The following PCDHA11 variants were observed in gnomAD, a reference collection of about 807,000 sequenced individuals.
PCDHA11 encodes the protein protocadherin alpha-11.
In PCDHA11, 61 loss-of-function variants were observed where a neutral mutation model predicts 70.3. The observed-to-expected ratio is 0.87, with a 90% CI of 0.71 to 1.07. The LOEUF (loss-of-function observed/expected upper bound fraction) is 1.07, where lower values mean the gene tolerates loss of function less well. Ranked by LOEUF, PCDHA11 falls within the 50% of genes least tolerant of loss-of-function variation. The pLI is 0.00. For missense variants in PCDHA11, 1,324 were observed against 1,237.5 expected (o/e 1.07, Z -1.05); for synonymous variants, 633 against 555.1 (o/e 1.14, Z -1.97).
At chr5:140,939,603 C>T (rs1158258856) in intron 1 of PCDHA11, among the ~76,000 whole-genome samples, 1 of 152,068 alleles carries the variant, frequency 6.6e-6, no homozygotes, top group Non-Finnish European at 1.5e-5. Flanking sequence ...TGCTCAAAAA[C>T]AGAACAAGGA....
intron 1 of PCDHA11, chr5:140,966,173 A>C (rs2095976741): frequency 5.4e-6 from 1 of 184,728 alleles, no homozygotes; most frequent in Admixed American, 6.2e-5. Context: ...TTTCCTGGGG[A>C]GCTGATAGCC....
At chr5:140,937,798 G>A (rs782138454) in intron 1 of PCDHA11, among the ~76,000 whole-genome samples, 1 of 151,676 alleles carries the variant, frequency 6.6e-6, no homozygotes, top group African/African-American at 2.4e-5. Flanking sequence ...TGTAGTCCCA[G>A]CTACTCGGGA....
At chr5:141,000,429 T>A (rs1327595966) in intron 3 of PCDHA11, among the ~76,000 whole-genome samples, 40 of 124,862 alleles carry the variant, frequency 3.2e-4, no homozygotes, top group African/African-American at 1.1e-3. Flanking sequence ...ATATTTTTTT[T>A]TTTTTTTTTT....
At position 140,883,732 on chromosome 5, in the gene PCDHA11, G is replaced by T. The variant is rs17844355; in HGVS notation, c.2391+12238G>T. The stretch of plus-strand genomic sequence containing the variant: ...AGGACGCGGACGCACAGGAGAACGC[G>T]CTGGTCTCCTACTCGCTGGTGGAGC... On this transcript the variant is annotated intron_variant, in intron 1 of 3. Transcript: ENST00000398640. The T allele has an allele frequency of 3.9e-4, 630 of 1,613,452 alleles. 2 individuals are homozygous for T. The East Asian group carries it at 0.013, about 33-fold the overall frequency.
At chr5:140,883,682 T>G (rs2059750474) in intron 1 of PCDHA11, 1 of 1,613,604 alleles carries the variant, frequency 6.2e-7, no homozygotes. Context: ...TCCGCCGGGC[T>G]GCCACATCTT....
intron 1 of PCDHA11, chr5:140,967,726 TG>T: frequency 6.2e-7 from 1 of 1,613,974 alleles, no homozygotes; most frequent in Non-Finnish European, 8.5e-7. Flanking sequence ...TGCGAGTAAT[TG>T]GGGGGCTGGA....
At chr5:140,878,099 C>T (rs1270449354) in intron 1 of PCDHA11, 2 of 277,184 alleles carry the variant, frequency 7.2e-6, no homozygotes, top group Non-Finnish European at 1.3e-5. Flanking sequence ...GACTGATGAA[C>T]CTTGAAAAAA....
intron 1 of PCDHA11, among the ~76,000 whole-genome samples, chr5:140,908,583 T>C (rs1245727862): frequency 1.3e-5 from 2 of 152,088 alleles, no homozygotes; most frequent in Admixed American, 1.3e-4. Context: ...GGAGAGTAGT[T>C]AGCTGCAGAA....
chr5:140,893,110 G>A (rs2063824937), intron 1 of PCDHA11, among the ~76,000 whole-genome samples: 1 of 152,124 alleles, frequency 6.6e-6, no homozygotes, highest in South Asian at 2.1e-4. Context: ...ATATTCCGTT[G>A]TGCATATACA....
intron 1 of PCDHA11, among the ~76,000 whole-genome samples, chr5:140,957,730 T>G (rs1044691694): frequency 6.6e-6 from 1 of 152,144 alleles, no homozygotes; most frequent in Non-Finnish European, 1.5e-5. Flanking sequence ...AGCAGAATTA[T>G]ATATACTGAC....
intron 1 of PCDHA11, among the ~76,000 whole-genome samples, chr5:140,924,769 C>T (rs988519447): frequency 1.3e-5 from 2 of 151,766 alleles, no homozygotes; most frequent in Admixed American, 6.6e-5. Flanking sequence ...GTGGTGCGCG[C>T]TTGTAGTCCT....
chr5:140,983,211 T>C (rs1429696975), intron 3 of PCDHA11, among the ~76,000 whole-genome samples: 1 of 152,204 alleles, frequency 6.6e-6, no homozygotes, highest in African/African-American at 2.4e-5. Context: ...AGGGACTATT[T>C]CCTAATCCAA....
rs192086826 is a variant in PCDHA11, at chr5:140,981,520, G to C, written c.2451-955G>C. ...ACCTGGGAGGCAGAGGTTGCAGTGA[G>C]CTGAGATCGTGCCACTGTACTCCAG... On this transcript the variant is annotated intron_variant, in intron 2 of 3. Coordinates refer to ENST00000398640, the MANE Select transcript of PCDHA11 (RefSeq NM_018902.5). Among the ~76,000 whole-genome samples the C allele has an allele frequency of 3.3e-5, 5 of 152,342 alleles. No homozygotes were observed. The East Asian group carries it at 9.6e-4, about 29-fold the overall frequency.
rs782426631 is a variant in PCDHA11, at chr5:140,982,476, T to C, written c.2452T>C (p.Ser818Pro). Residue 818 changes from serine (S) to proline (P), a missense_variant and splice_region_variant, in exon 3 of 4, where the codon TCT becomes CCT. By Grantham distance (74) the Ser-to-Pro change is moderately conservative. Transcript: ENST00000398640. ...ATCTGGGTCTGTGTGTTTATTCAGC[T>C]CTGTGCACCTAGAGGAGGCTGGCAT... ...SASLRAGMHS[S>P]VHLEEAGILR... 3 of 1,614,064 alleles carry C rather than the reference T, an allele frequency of 1.9e-6. No homozygotes were observed. The highest frequency in any genetic ancestry group is 1.6e-4 in the Middle Eastern group (1 of 6,082).
rs782777018 is a variant in PCDHA11 at position 140,870,125 on chromosome 5, A to G, written c.1022A>G (p.Asp341Gly). 1.8e-5 allele frequency: 29 copies of G among 1,613,792 alleles called. No homozygotes were observed. Among genetic ancestry groups the G allele is most frequent in the African/African-American group, 2.7e-5 (2 of 74,934 alleles). Residue 341 changes from aspartate to glycine, a missense_variant, in exon 1 of 4, where the codon GAC becomes GGC. Transcript: ENST00000398640. ...GHCTVWVEIL[D>G]TNDNSPEVAV... Reference sequence around the variant, plus strand: ...TGTACAGTCTGGGTGGAAATCTTGGACACCAACGATAACTCTCCTGAAGTC... The same window carrying G: ...TGTACAGTCTGGGTGGAAATCTTGGGCACCAACGATAACTCTCCTGAAGTC...
chr5:140,931,247 C>G (rs782447233), intron 1 of PCDHA11, among the ~76,000 whole-genome samples: 4 of 152,032 alleles, frequency 2.6e-5, no homozygotes, highest in African/African-American at 4.8e-5. Flanking sequence ...CTTTTCCTAC[C>G]AAGAAATTTC....
Position 141,009,916 on chromosome 5 carries a change from G to T in PCDHA11, c.2829G>T (p.Thr943=). The change falls in exon 4 of 4, where the codon ACG becomes ACT. Residue 943 remains threonine, a synonymous_variant. Coordinates refer to ENST00000398640, the MANE Select transcript of PCDHA11 (RefSeq NM_018902.5). ...AGAAAAAAGAGAAAGGGAACAGCAC[G>T]ACTGACAACAGTGACCAGTGAGGTC... ...TQEKKEKGNS[T]TDNSDQ The T allele has an allele frequency of 6.2e-7, 1 of 1,611,502 alleles. No individual in the cohort carries two copies. Among genetic ancestry groups the T allele is most frequent in the South Asian group, 1.1e-5 (1 of 90,550 alleles).
intron 1 of PCDHA11, among the ~76,000 whole-genome samples, chr5:140,919,693 T>C (rs1383014744): frequency 6.6e-6 from 1 of 152,234 alleles, no homozygotes; most frequent in Admixed American, 6.5e-5. Context: ...TTCAGATTTA[T>C]ATTAACTTAA....
At chr5:140,972,691 G>A (rs1213069719) in intron 1 of PCDHA11, among the ~76,000 whole-genome samples, 3 of 137,348 alleles carry the variant, frequency 2.2e-5, no homozygotes, top group Admixed American at 1.5e-4. Flanking sequence ...TTGAGATGGA[G>A]TCTCACTCTG....
Sources: allele counts gnomAD v4.1 joint callset (sites outside exome capture counted in the v4.1 genomes callset), GRCh38; gene constraint gnomAD v4.1.1; transcripts MANE v1.5; gene names NCBI Gene and HGNC (gene_info 2026-07-23, HGNC 2026-07-21).